The following PRIM2 variants were observed in gnomAD, a reference collection of about 807,000 sequenced individuals.
PRIM2 encodes DNA primase subunit 2.
A neutral mutation model predicts 67.3 loss-of-function variants in PRIM2; 39 were observed. The observed-to-expected ratio is 0.58, with a 90% CI of 0.45 to 0.76. The LOEUF is 0.76. PRIM2 is among the 30% of genes least tolerant of loss of function. The pLI is 0.00. For missense variants in PRIM2, 398 were observed against 598.7 expected (o/e 0.66, Z 3.50); for synonymous variants, 143 against 198.7 (o/e 0.72, Z 2.36).
chr6:57,323,439 G>T (rs1428981595), intron 3 of PRIM2, among the ~76,000 whole-genome samples: 1 of 152,192 alleles, frequency 6.6e-6, no homozygotes, highest in East Asian at 1.9e-4. Flanking sequence ...AAAGAGAGGG[G>T]TTGGTGGGAA....
intron 7 of PRIM2, among the ~76,000 whole-genome samples, chr6:57,409,294 G>A (rs1771006282): frequency 6.6e-6 from 1 of 151,894 alleles, no homozygotes; most frequent in African/African-American, 2.4e-5. Flanking sequence ...TTCTGCCTCG[G>A]CCTCCCAAGT....
chr6:57,275,043 T>C, the PRIM2 span, among the ~76,000 whole-genome samples: 3 of 151,862 alleles, frequency 2.0e-5, no homozygotes, highest in African/African-American at 7.3e-5. Context: ...CCTTGGATTA[T>C]AGGCGTGAGC....
At chr6:57,258,624 T>G in the PRIM2 span, among the ~76,000 whole-genome samples, 1 of 125,978 alleles carries the variant, frequency 7.9e-6, no homozygotes, top group Admixed American at 9.5e-5. Flanking sequence ...TCTTGACCTG[T>G]TAGGACACCA....
At chr6:57,397,895 A>ATTTT (rs1770573606) in intron 7 of PRIM2, among the ~76,000 whole-genome samples, 2 of 98,794 alleles carry the variant, frequency 2.0e-5, no homozygotes, top group African/African-American at 1.1e-4. Flanking sequence ...AGATCTTTCT[A>ATTTT]ATTTTTTTTT....
chr6:57,320,418 A>G (rs1157933491), intron 2 of PRIM2, 39 bp from the exon 3 acceptor site: 1 of 1,393,100 alleles, frequency 7.2e-7, no homozygotes, highest in Non-Finnish European at 9.7e-7. Flanking sequence ...TTAGTTTTAA[A>G]ACATTATCTT....
intron 7 of PRIM2, among the ~76,000 whole-genome samples, chr6:57,400,880 T>C (rs920502421): frequency 2.0e-5 from 3 of 152,226 alleles, no homozygotes; most frequent in African/African-American, 7.2e-5. Context: ...TGAGATTCTT[T>C]CTTCAGCTTG....
chr6:57,378,438 T>C (rs1389129378), intron 5 of PRIM2, among the ~76,000 whole-genome samples: 2 of 152,236 alleles, frequency 1.3e-5, no homozygotes, highest in Non-Finnish European at 2.9e-5. Flanking sequence ...TTTATTTCTG[T>C]ACACATGGTA....
chr6:57,569,122 A>T (rs1775810692), intron 10 of PRIM2, among the ~76,000 whole-genome samples: 2 of 152,178 alleles, frequency 1.3e-5, no homozygotes, highest in African/African-American at 4.8e-5. Flanking sequence ...ATTCTGGTCA[A>T]GATACTTACT....
chr6:57,244,263 T>G, the PRIM2 span, among the ~76,000 whole-genome samples: 1 of 152,192 alleles, frequency 6.6e-6, no homozygotes, highest in Non-Finnish European at 1.5e-5. Context: ...CCTCTCTTTG[T>G]TTAACGAAAT....
chr6:57,329,665 GA>G (rs1220018537), intron 5 of PRIM2, among the ~76,000 whole-genome samples: 1 of 152,084 alleles, frequency 6.6e-6, no homozygotes, highest in Non-Finnish European at 1.5e-5. Context: ...GCCGCCCTGT[GA>G]AGAGGTGCCA....
intron 13 of PRIM2, among the ~76,000 whole-genome samples, chr6:57,637,659 T>A (rs1489776228): frequency 2.0e-5 from 3 of 152,002 alleles, no homozygotes; most frequent in East Asian, 1.9e-4. Context: ...ATATCAGAGA[T>A]TGAAGATTAA....
chr6:57,285,912 T>C, the PRIM2 span, among the ~76,000 whole-genome samples: 60 of 152,272 alleles, frequency 3.9e-4, no homozygotes, highest in African/African-American at 1.3e-3. Flanking sequence ...GGCAAAGTCT[T>C]GGGATACAAA....
At chr6:57,278,872 C>T in the PRIM2 span, among the ~76,000 whole-genome samples, 2 of 152,168 alleles carry the variant, frequency 1.3e-5, no homozygotes, top group Admixed American at 1.3e-4. Context: ...AGGAGATCTT[C>T]CCCATCAACA....
intron 12 of PRIM2, among the ~76,000 whole-genome samples, chr6:57,610,283 G>A (rs1776644144): frequency 1.3e-5 from 2 of 152,182 alleles, no homozygotes; most frequent in South Asian, 4.1e-4. Flanking sequence ...GGCCAGGCCA[G>A]TCTTAAACTC....
At chr6:57,627,375 T>G (rs1178994420) in intron 12 of PRIM2, among the ~76,000 whole-genome samples, 1 of 149,442 alleles carries the variant, frequency 6.7e-6, no homozygotes, top group East Asian at 2.0e-4. Flanking sequence ...TCATTGCTAC[T>G]CACTTTTTCT....
At chr6:57,450,296 A>G (rs1772501503) in intron 7 of PRIM2, among the ~76,000 whole-genome samples, 4 of 152,304 alleles carry the variant, frequency 2.6e-5, no homozygotes, top group African/African-American at 9.6e-5. Flanking sequence ...TAATACTCAG[A>G]AACCTGTTGG....
chr6:57,543,567 G>T (rs1775222283), intron 10 of PRIM2, among the ~76,000 whole-genome samples: 2 of 152,286 alleles, frequency 1.3e-5, no homozygotes, highest in African/African-American at 4.8e-5. Flanking sequence ...GCAGAGACTG[G>T]TATAATATCT....
At chr6:57,468,996 G>A (rs1426994892) in intron 7 of PRIM2, among the ~76,000 whole-genome samples, 2 of 152,198 alleles carry the variant, frequency 1.3e-5, no homozygotes, top group Non-Finnish European at 2.9e-5. Flanking sequence ...TGTAAGCCCT[G>A]AAACAGAGAT....
intron 10 of PRIM2, among the ~76,000 whole-genome samples, chr6:57,541,596 G>GT (rs1775154668): frequency 6.6e-6 from 1 of 152,146 alleles, no homozygotes; most frequent in Non-Finnish European, 1.5e-5. Context: ...ACTGTATGGG[G>GT]TGAGGGGTGG....
Sources: allele counts gnomAD v4.1 joint callset (sites outside exome capture counted in the v4.1 genomes callset), GRCh38; gene constraint gnomAD v4.1.1; transcripts MANE v1.5; gene names NCBI Gene and HGNC (gene_info 2026-07-23, HGNC 2026-07-21).